LARP4B: variants seen among roughly 807,000 people sequenced by gnomAD.
LARP4B encodes the protein La ribonucleoprotein 4B, also known as la-related protein 4B.
A neutral mutation model predicts 89.8 loss-of-function variants in LARP4B; 12 were observed. The observed-to-expected ratio is 0.13, with a 90% CI of 0.09 to 0.22. The LOEUF is 0.22. Among genes scored for constraint, LARP4B ranks in the 10% least tolerant of loss-of-function variants. The probability of loss-of-function intolerance (pLI) is 1.00; values close to 1 mark genes in which losing one functional copy is unlikely to be tolerated. For synonymous variants in LARP4B, 367 were observed against 363.3 expected (o/e 1.01, Z -0.12); for missense variants, 757 against 947.7 (o/e 0.80, Z 2.64).
chr10:909,528 T>C (rs1012985079), intron 1 of LARP4B, among the ~76,000 whole-genome samples: 3 of 152,070 alleles, frequency 2.0e-5, no homozygotes, highest in Non-Finnish European at 4.4e-5. Flanking sequence ...CTCATGCCTG[T>C]AATCCTGGCA....
chr10:832,358 G>C (rs1832955310), intron 8 of LARP4B, among the ~76,000 whole-genome samples: 1 of 152,130 alleles, frequency 6.6e-6, no homozygotes, highest in African/African-American at 2.4e-5. Flanking sequence ...TTTTTTAAAA[G>C]ACCAAAATCA....
chr10:888,927 A>G (rs1835939098), intron 1 of LARP4B, among the ~76,000 whole-genome samples: 1 of 152,204 alleles, frequency 6.6e-6, no homozygotes, highest in Non-Finnish European at 1.5e-5. Context: ...TCTACACAAA[A>G]TACAAAAATT....
chr10:984,931 CATAA>C, the LARP4B span, among the ~76,000 whole-genome samples: 15 of 152,126 alleles, frequency 9.9e-5, no homozygotes, highest in Non-Finnish European at 1.8e-4. Flanking sequence ...GACCCTGTCT[CATAA>C]ATAAATAAAC....
At chr10:962,065 G>A in the LARP4B span, among the ~76,000 whole-genome samples, 371 of 152,202 alleles carry the variant, frequency 2.4e-3, 3 homozygotes, top group African/African-American at 8.5e-3. Context: ...GGCCAAGGCC[G>A]GTGGATCACC....
the LARP4B span, among the ~76,000 whole-genome samples, chr10:944,164 C>G: frequency 2.5e-4 from 38 of 152,118 alleles, no homozygotes; most frequent in African/African-American, 8.4e-4. Flanking sequence ...ACGGTGTAGC[C>G]GAGGACTAAA....
At chr10:970,672 G>T in the LARP4B span, among the ~76,000 whole-genome samples, 1 of 152,186 alleles carries the variant, frequency 6.6e-6, no homozygotes, top group Non-Finnish European at 1.5e-5. Context: ...TGTCAGCTTT[G>T]ATTGCTCTCA....
chr10:813,987 G>C (rs905849173), intron 17 of LARP4B, among the ~76,000 whole-genome samples: 1 of 152,004 alleles, frequency 6.6e-6, no homozygotes, highest in Non-Finnish European at 1.5e-5. Context: ...ATTTTCAGTA[G>C]AGACAGGGTT....
At chr10:954,349 A>C in the LARP4B span, among the ~76,000 whole-genome samples, 1 of 152,110 alleles carries the variant, frequency 6.6e-6, no homozygotes, top group Non-Finnish European at 1.5e-5. This position sits in a 1 kb window ranked among gnomAD's most constrained non-coding sequence, Gnocchi z 5.0. Flanking sequence ...CAGGCCTCCT[A>C]CATGTGGACG....
At chr10:957,841 G>A in the LARP4B span, among the ~76,000 whole-genome samples, 8 of 146,270 alleles carry the variant, frequency 5.5e-5, no homozygotes, top group African/African-American at 2.0e-4. Context: ...CTATTGCCCA[G>A]GCTGGAGTGC....
chr10:828,513 C>T (rs1168719769), intron 11 of LARP4B, among the ~76,000 whole-genome samples: 2 of 152,178 alleles, frequency 1.3e-5, no homozygotes, highest in African/African-American at 2.4e-5. Flanking sequence ...CGGTGACATC[C>T]CTGCACATCA....
chr10:840,119 A>G (rs1423347483), intron 7 of LARP4B, among the ~76,000 whole-genome samples: 4 of 150,638 alleles, frequency 2.7e-5, no homozygotes, highest in African/African-American at 9.8e-5. Context: ...GAGGGGGTAG[A>G]GGACGCTTGG....
At chr10:834,322 CAA>C (rs1227522771) in intron 8 of LARP4B, among the ~76,000 whole-genome samples, 1 of 152,140 alleles carries the variant, frequency 6.6e-6, no homozygotes, top group Non-Finnish European at 1.5e-5. Context: ...TAAAGTCAAA[CAA>C]TAATACTTTA....
At chr10:894,675 TA>T (rs764454078) in intron 1 of LARP4B, among the ~76,000 whole-genome samples, 33 of 152,364 alleles carry the variant, frequency 2.2e-4, no homozygotes, top group Non-Finnish European at 4.0e-4. Flanking sequence ...ATATTTATTT[TA>T]AAAGATCTTC....
At position 822,778 on chromosome 10, in the gene LARP4B, C is replaced by T. The variant is rs1832424053; in HGVS notation, c.1485-1933G>A. The stretch of plus-strand genomic sequence containing the variant: ...AGACCCTGAAGAGGTGTGCTTCCCC[C>T]AGCTGATCCTAACAGTAGCTCCACC... On this transcript the variant is annotated intron_variant, in intron 13 of 17. Coordinates refer to ENST00000316157, the MANE Select transcript of LARP4B (RefSeq NM_015155.3). The surrounding 1 kb of genome is among the most constrained non-coding windows in gnomAD (Gnocchi z 4.6). Among the ~76,000 whole-genome samples, 1 of 152,222 alleles carries T rather than the reference C, an allele frequency of 6.6e-6. No homozygotes were observed. The highest frequency in any genetic ancestry group is 6.5e-5 in the Admixed American group (1 of 15,284).
At chr10:947,785 C>G in the LARP4B span, among the ~76,000 whole-genome samples, 1 of 152,050 alleles carries the variant, frequency 6.6e-6, no homozygotes, top group African/African-American at 2.4e-5. Flanking sequence ...CCACGCCCGG[C>G]TCATGTTTTT....
rs201513199 is a variant in LARP4B, at chr10:814,786, T to C, written c.1885A>G (p.Thr629Ala). ...TGCACCGATTTACACGCGGTCGCAG[T>C]GAGGGCGGAAGGAAGTCTGTCCACA... is the stretch of plus-strand genomic sequence containing the variant. ...HSVDRLPSAL[T>A]ATACKSVQVN... The change falls in exon 17 of 18, where the codon ACT becomes GCT. Residue 629 changes from threonine to alanine, a missense_variant. Around this residue, in one of 5 missense-constraint regions of LARP4B, gnomAD observed 387 missense variants for 423.6 expected, o/e 0.91. Coordinates refer to ENST00000316157, the MANE Select transcript of LARP4B (RefSeq NM_015155.3). This position sits in a 1 kb window ranked among gnomAD's most constrained non-coding sequence, Gnocchi z 4.4. 497 of 1,605,802 alleles carry C rather than the reference T, an allele frequency of 3.1e-4. No homozygotes were observed. The highest frequency in any genetic ancestry group is 5.2e-4 in the Admixed American group (31 of 59,286).
At chr10:864,074 C>T in intron 4 of LARP4B, 49 bp downstream of exon 4, 1 of 1,608,608 alleles carries the variant, frequency 6.2e-7, no homozygotes, top group Non-Finnish European at 8.5e-7. Context: ...GCAACAAAAG[C>T]ACAGGCCTGA....
intron 5 of LARP4B, among the ~76,000 whole-genome samples, chr10:856,230 A>T (rs1834296422): frequency 6.6e-6 from 1 of 152,230 alleles, no homozygotes; most frequent in Non-Finnish European, 1.5e-5. Flanking sequence ...TACATTGCGT[A>T]TCTGGACTTA....
Position 814,451 on chromosome 10 carries a change from G to A in LARP4B, c.1929+291C>T, listed in dbSNP as rs1408627110. 6.3e-6 allele frequency: 3 copies of A among 475,546 alleles called. No individual in the cohort carries two copies. Among genetic ancestry groups the A allele is most frequent in the Non-Finnish European group, 7.9e-6 (2 of 253,352 alleles). 29.5% of individuals were successfully genotyped at this position (475,546 alleles called of 1,614,324 possible). On this transcript the variant is annotated intron_variant, in intron 17 of 17. Transcript: ENST00000316157. The surrounding 1 kb of genome is among the most constrained non-coding windows in gnomAD (Gnocchi z 4.4). ...CGCGAAATGCTGAAATGATCCTAAA[G>A]TCTATGGAGAAACAGGAGCTGGGGT...
Sources: allele counts gnomAD v4.1 joint callset (sites outside exome capture counted in the v4.1 genomes callset), GRCh38; gene constraint gnomAD v4.1.1; regional missense constraint gnomAD v4.1.1; non-coding constraint Gnocchi (gnomAD v3.1); transcripts MANE v1.5; gene names NCBI Gene and HGNC (gene_info 2026-07-23, HGNC 2026-07-21).